The following FBXL14 variants were observed in gnomAD, a reference collection of about 807,000 sequenced individuals.
The protein encoded by FBXL14 is F-box and leucine rich repeat protein 14.
FBXL14 carries 11 observed loss-of-function variants against 24.5 expected under a neutral mutation model. That is an observed-to-expected ratio of 0.45 (90% CI 0.28 to 0.74). FBXL14 has a LOEUF of 0.74. FBXL14 is among the 30% of genes least tolerant of loss of function. FBXL14 has a pLI of 0.12. For missense variants in FBXL14, 384 were observed against 545.6 expected, an observed-to-expected ratio of 0.70 and a Z score of 2.95; for synonymous variants, 294 against 240.4, an observed-to-expected ratio of 1.22 and a Z score of -2.06.
In FBXL14 at chr12:1,569,823, C is replaced by T. The variant is rs2094442400; in HGVS notation, c.1195-3013G>A. Reference sequence around the variant, plus strand: ...AGAGCCACTTTTGTTGAAGGCTGTGCCACTCACCCAGAGTCCCCTGTGCAA... The same window carrying T: ...AGAGCCACTTTTGTTGAAGGCTGTGTCACTCACCCAGAGTCCCCTGTGCAA... On this transcript the variant is annotated intron_variant, in intron 1 of 1. Coordinates refer to ENST00000339235, the MANE Select transcript of FBXL14 (RefSeq NM_152441.3). This position sits in a 1 kb window ranked among gnomAD's most constrained non-coding sequence, Gnocchi z 4.2. Among the ~76,000 whole-genome samples the T allele has an allele frequency of 6.6e-6, 1 of 152,200 alleles. No individual in the cohort carries two copies. The highest frequency in any genetic ancestry group is 2.1e-4 in the South Asian group (1 of 4,830).
At chr12:1,589,100 A>T (rs887833567) in intron 1 of FBXL14, among the ~76,000 whole-genome samples, 1 of 151,438 alleles carries the variant, frequency 6.6e-6, no homozygotes, top group African/African-American at 2.4e-5. Flanking sequence ...TTAGAAATGG[A>T]GCCTGGGCCA....
At chr12:1,584,017 G>C (rs2094471831) in intron 1 of FBXL14, among the ~76,000 whole-genome samples, 1 of 152,128 alleles carries the variant, frequency 6.6e-6, no homozygotes, top group African/African-American at 2.4e-5. Context: ...ATAATGTGTA[G>C]TGCTTGACTT....
At position 1,593,267 on chromosome 12, in the gene FBXL14, C is replaced by T; in HGVS notation, c.800G>A (p.Ser267Asn). ...SLNLRSCDNI[S>N]DTGIMHLAMG... is the part of the protein sequence containing the mutation. ...GGCCAGATGCATGATGCCCGTGTCA[C>T]TGATGTTGTCACAGGAGCGCAGGTT... The change falls in exon 1 of 2, where the codon AGT (serine) becomes AAT (asparagine). Residue 267 changes from serine to asparagine, a missense_variant. Transcript: ENST00000339235. The surrounding 1 kb of genome is among the most constrained non-coding windows in gnomAD (Gnocchi z 7.4). 6.2e-7 allele frequency: 1 copy of T among 1,612,668 alleles called. No homozygotes were observed. The highest frequency in any genetic ancestry group is 8.5e-7 in the Non-Finnish European group (1 of 1,179,824).
chr12:1,576,299 G>A (rs2094455809), intron 1 of FBXL14, among the ~76,000 whole-genome samples: 1 of 152,160 alleles, frequency 6.6e-6, no homozygotes, highest in African/African-American at 2.4e-5. Flanking sequence ...GGTGGACAGC[G>A]TGGGGGCCGG....
intron 1 of FBXL14, among the ~76,000 whole-genome samples, chr12:1,582,845 C>G (rs1373734953): frequency 1.3e-5 from 2 of 152,202 alleles, no homozygotes; most frequent in Non-Finnish European, 1.5e-5. Context: ...CGAGGCCAGG[C>G]TGTTGAGTAC....
chr12:1,576,962 G>C (rs956282945), intron 1 of FBXL14, among the ~76,000 whole-genome samples: 6 of 152,318 alleles, frequency 3.9e-5, no homozygotes, highest in African/African-American at 1.4e-4. Flanking sequence ...GCTGCAATGC[G>C]TTGGTCAGCA....
intron 1 of FBXL14, among the ~76,000 whole-genome samples, chr12:1,573,899 G>T (rs552159788): frequency 6.4e-4 from 98 of 152,264 alleles, no homozygotes; most frequent in African/African-American, 2.2e-3. Context: ...CAGCTACTCA[G>T]GAAGCTGAGG....
chr12:1,594,000 G>A lies in FBXL14; in HGVS notation c.67C>T (p.Arg23Trp). 1 of 1,581,778 alleles carries A rather than the reference G, an allele frequency of 6.3e-7. No homozygotes were observed. Among genetic ancestry groups the A allele is most frequent in the Admixed American group, 1.7e-5 (1 of 57,500 alleles). Residue 23 changes from arginine (R) to tryptophan (W), a missense_variant, in exon 1 of 2, where the codon CGG becomes TGG. Physicochemically the swap from Arg to Trp is moderately radical, Grantham distance 101. Coordinates refer to ENST00000339235, the MANE Select transcript of FBXL14 (RefSeq NM_152441.3). The surrounding 1 kb of genome is among the most constrained non-coding windows in gnomAD (Gnocchi z 7.4). Reference protein sequence around the residue: ...LAMIFGYLDVRDKGRAAQVCT... With the variant: ...LAMIFGYLDVWDKGRAAQVCT... Reference sequence around the variant, plus strand: ...ACCTGCGCCGCGCGCCCCTTGTCCCGGACGTCCAGGTAGCCGAAGATCATG... The same window carrying A: ...ACCTGCGCCGCGCGCCCCTTGTCCCAGACGTCCAGGTAGCCGAAGATCATG...
chr12:1,571,790 C>G (rs2094445954), intron 1 of FBXL14, among the ~76,000 whole-genome samples: 1 of 152,176 alleles, frequency 6.6e-6, no homozygotes, highest in Admixed American at 6.5e-5. Flanking sequence ...CTGTCTTCCT[C>G]AAGTAAGAAT....
At chr12:1,572,717 A>AGAAG (rs2154437754) in intron 1 of FBXL14, among the ~76,000 whole-genome samples, 1 of 152,362 alleles carries the variant, frequency 6.6e-6, no homozygotes, top group Non-Finnish European at 1.5e-5. Context: ...CCTATTGGCA[A>AGAAG]GAAGGAGCCC....
At chr12:1,582,208 G>A (rs1422061444) in intron 1 of FBXL14, among the ~76,000 whole-genome samples, 1 of 150,522 alleles carries the variant, frequency 6.6e-6, no homozygotes, top group Non-Finnish European at 1.5e-5. Flanking sequence ...AAGAAAGAAA[G>A]AGAAAGAAGA....
At chr12:1,575,891 G>A (rs1052030773) in intron 1 of FBXL14, among the ~76,000 whole-genome samples, 1 of 152,140 alleles carries the variant, frequency 6.6e-6, no homozygotes, top group Non-Finnish European at 1.5e-5. Context: ...CCCTCCGCAG[G>A]ATCTTCAGTA....
At chr12:1,592,122 T>C (rs1429245874) in intron 1 of FBXL14, among the ~76,000 whole-genome samples, 1 of 150,636 alleles carries the variant, frequency 6.6e-6, no homozygotes, top group Non-Finnish European at 1.5e-5. Flanking sequence ...TCTCAAAATA[T>C]CTCTCTTGTA....
rs749761627 is a variant in FBXL14 at position 1,593,650 on chromosome 12, G to C, written c.417C>G (p.Ala139=). 1.2e-6 allele frequency: 2 copies of C among 1,614,190 alleles called. No homozygotes were observed. Among genetic ancestry groups the C allele is most frequent in the Admixed American group, 3.3e-5 (2 of 60,032 alleles). Residue 139 remains alanine, a synonymous_variant, in exon 1 of 2, where the codon GCC becomes GCG. Coordinates refer to ENST00000339235, the MANE Select transcript of FBXL14 (RefSeq NM_152441.3). The surrounding 1 kb of genome is among the most constrained non-coding windows in gnomAD (Gnocchi z 7.4). ...QITDSSLGRI[A]QYLKGLEVLE... ...GCACCTCCAGGCCCTTGAGGTACTG[G>C]GCTATGCGGCCCAGGCTGCTGTCAG...
rs1389473503 is a variant in FBXL14, at chr12:1,594,427, C to T, written c.-361G>A. The stretch of plus-strand genomic sequence containing the variant: ...CGCCCGGGCCGCGCCGCTCCGCCCG[C>T]GCCGCCGCGCCCACGCCCCCTGCCG... On this transcript the variant is annotated 5_prime_UTR_variant, in exon 1 of 2. Transcript: ENST00000339235. Among the ~76,000 whole-genome samples the T allele has an allele frequency of 2.1e-5, 3 of 145,508 alleles. No homozygotes were observed. Among genetic ancestry groups the T allele is most frequent in the Non-Finnish European group, 3.1e-5 (2 of 65,526 alleles).
At chr12:1,582,227 GAGAA>G (rs150099977) in intron 1 of FBXL14, among the ~76,000 whole-genome samples, 473 of 151,790 alleles carry the variant, frequency 3.1e-3, no homozygotes, top group Non-Finnish European at 4.6e-3. Flanking sequence ...GAAAGAAAAA[GAGAA>G]AGAAAGAAAG....
intron 1 of FBXL14, among the ~76,000 whole-genome samples, chr12:1,570,500 T>A (rs1264027233): frequency 6.6e-6 from 1 of 151,862 alleles, no homozygotes; most frequent in African/African-American, 2.4e-5. Context: ...AGGTGGGAAA[T>A]GTGGGTGGGC....
At chr12:1,585,064 T>C (rs1289616515) in intron 1 of FBXL14, among the ~76,000 whole-genome samples, 1 of 152,228 alleles carries the variant, frequency 6.6e-6, no homozygotes, top group Non-Finnish European at 1.5e-5. Flanking sequence ...CCCTGTTTAG[T>C]GACTACGTCT....
At chr12:1,575,998 A>G (rs2094455170) in intron 1 of FBXL14, among the ~76,000 whole-genome samples, 1 of 152,186 alleles carries the variant, frequency 6.6e-6, no homozygotes, top group Non-Finnish European at 1.5e-5. Flanking sequence ...TGCACATGAC[A>G]AATTGTGTGC....
Sources: gnomAD v4.1 joint callset for allele counts (sites outside exome capture counted in the v4.1 genomes callset) on GRCh38, gnomAD v4.1.1 for gene constraint, Gnocchi (gnomAD v3.1) non-coding constraint, MANE v1.5 for transcripts, NCBI Gene and HGNC (gene_info 2026-07-23, HGNC 2026-07-21) for gene names.